TAF2: variants seen among roughly 807,000 people sequenced by gnomAD.
TAF2 encodes the protein transcription initiation factor TFIID subunit 2.
TAF2 carries 61 observed loss-of-function variants against 138.5 expected under a neutral mutation model. The observed-to-expected ratio is 0.44, with a 90% CI of 0.36 to 0.54. The LOEUF (loss-of-function observed/expected upper bound fraction) is 0.54. Ranked by LOEUF, TAF2 falls within the 20% of genes least tolerant of loss-of-function variation. The probability of loss-of-function intolerance (pLI) is 0.00; values close to 1 mark genes in which losing one functional copy is unlikely to be tolerated. For synonymous variants in TAF2, 475 were observed against 469.9 expected, an observed-to-expected ratio of 1.01 and a Z score of -0.14; for missense variants, 1,090 against 1,427.9, an observed-to-expected ratio of 0.76 and a Z score of 3.81.
chr8:119,752,165 G>A (rs1321844420), intron 22 of TAF2, among the ~76,000 whole-genome samples: 5 of 152,030 alleles, frequency 3.3e-5, no homozygotes, highest in Non-Finnish European at 7.4e-5. Context: ...ATTATGCATT[G>A]TATTATTCTT....
intron 14 of TAF2, among the ~76,000 whole-genome samples, chr8:119,786,044 C>G (rs1444863696): frequency 6.6e-6 from 1 of 152,182 alleles, no homozygotes; most frequent in Non-Finnish European, 1.5e-5. Flanking sequence ...AGTCAACAGA[C>G]ACTCTCATCT....
At chr8:119,760,497 AAT>A in intron 20 of TAF2, 100 bp downstream of exon 20, 1 of 1,270,472 alleles carries the variant, frequency 7.9e-7, no homozygotes, top group African/African-American at 1.5e-5. Flanking sequence ...TTAAAATTAA[AAT>A]ATCTGTGTTA....
chr8:119,832,537 TG>T lies in TAF2; in HGVS notation c.27del (p.Arg10GlufsTer2). ...TTGTCTCCTTTCTTCCTGTTCATTC[TG>T]GCGGGCTCTACACCAGTCAGCGGCA... MPLTGVEP[A>X]RMNRKKGDKG... On this transcript the variant is annotated frameshift_variant, in exon 1 of 26. Transcript: ENST00000378164. LOFTEE classifies it high-confidence loss of function. 3 of 1,599,300 alleles carry T rather than the reference TG, an allele frequency of 1.9e-6. No homozygotes were observed. Among genetic ancestry groups the T allele is most frequent in the Non-Finnish European group, 2.6e-6 (3 of 1,171,316 alleles).
At chr8:119,738,392 T>C (rs1271757865) in intron 25 of TAF2, among the ~76,000 whole-genome samples, 1 of 152,134 alleles carries the variant, frequency 6.6e-6, no homozygotes, top group Non-Finnish European at 1.5e-5. Flanking sequence ...ATTTCACATA[T>C]CCTTTCAGGG....
intron 18 of TAF2, among the ~76,000 whole-genome samples, chr8:119,766,833 C>CAA (rs1035741493): frequency 1.3e-5 from 2 of 151,330 alleles, no homozygotes; most frequent in African/African-American, 4.9e-5. Context: ...GACTCTCTCT[C>CAA]AAAAAAATAA....
chr8:119,816,025 C>T (rs1390198793), intron 3 of TAF2, among the ~76,000 whole-genome samples: 12 of 151,118 alleles, frequency 7.9e-5, no homozygotes, highest in Non-Finnish European at 1.8e-4. Flanking sequence ...TCAAAGGAAT[C>T]TCAACCACTG....
Position 119,832,490 on chromosome 8 carries a change from T to C in TAF2, c.75A>G (p.Pro25=), listed in dbSNP as rs1378836300. Residue 25 remains proline (P), a synonymous_variant, in exon 1 of 26, where the codon CCA becomes CCG. Coordinates refer to ENST00000378164, the MANE Select transcript of TAF2 (RefSeq NM_003184.4). ...KGDKGFESPR[P]YKLTHQVVCI... is the part of the protein sequence containing the mutation. ...AATGAAAAAATACTTATAATTTATA[T>C]GGCCTTGGGCTTTCAAAGCCCTTGT... The C allele has an allele frequency of 2.5e-6, 4 of 1,613,788 alleles. No individual in the cohort carries two copies. The highest frequency in any genetic ancestry group is 2.5e-6 in the Non-Finnish European group (3 of 1,179,880).
chr8:119,830,999 TG>T (rs1301409169), intron 2 of TAF2, among the ~76,000 whole-genome samples: 1 of 152,058 alleles, frequency 6.6e-6, no homozygotes, highest in Admixed American at 6.6e-5. Context: ...TCAAGCTACT[TG>T]GGAGGCTGAG....
At chr8:119,828,530 T>C (rs1366985448) in intron 2 of TAF2, among the ~76,000 whole-genome samples, 2 of 151,964 alleles carry the variant, frequency 1.3e-5, no homozygotes, top group African/African-American at 4.8e-5. Context: ...CCAATAAAGA[T>C]ATAAACAGCA....
At chr8:119,818,394 T>C (rs926110931) in intron 3 of TAF2, among the ~76,000 whole-genome samples, 1 of 152,174 alleles carries the variant, frequency 6.6e-6, no homozygotes, top group East Asian at 1.9e-4. Context: ...AAGTTTATGA[T>C]AAAGTTTTGG....
chr8:119,813,494 G>A (rs987068278), intron 3 of TAF2, among the ~76,000 whole-genome samples: 3 of 152,108 alleles, frequency 2.0e-5, no homozygotes, highest in African/African-American at 7.2e-5. Flanking sequence ...AGGACAAAAT[G>A]GATCTACTGG....
chr8:119,807,402 A>T (rs776503280), intron 3 of TAF2, among the ~76,000 whole-genome samples: 2 of 152,100 alleles, frequency 1.3e-5, no homozygotes, highest in African/African-American at 4.8e-5. Context: ...ATGTGTACAT[A>T]TACACATATT....
At chr8:119,825,602 A>G (rs559175726) in intron 2 of TAF2, among the ~76,000 whole-genome samples, 6 of 152,250 alleles carry the variant, frequency 3.9e-5, no homozygotes, top group Middle Eastern at 3.4e-3. Flanking sequence ...GGAGGGACCC[A>G]GTGGGAGGTA....
At chr8:119,828,481 TC>T (rs1183156107) in intron 2 of TAF2, among the ~76,000 whole-genome samples, 1 of 151,836 alleles carries the variant, frequency 6.6e-6, no homozygotes, top group Non-Finnish European at 1.5e-5. Context: ...GCCTCTCAGA[TC>T]CCCCCTAACA....
intron 2 of TAF2, among the ~76,000 whole-genome samples, chr8:119,825,435 G>C: frequency 6.6e-6 from 1 of 152,188 alleles, no homozygotes; most frequent in East Asian, 1.9e-4. Flanking sequence ...GGACTTTTGA[G>C]TTAATGCTGA....
chr8:119,790,121 C>T (rs1823316511), intron 11 of TAF2, among the ~76,000 whole-genome samples: 1 of 152,130 alleles, frequency 6.6e-6, no homozygotes, highest in Non-Finnish European at 1.5e-5. Flanking sequence ...TATGGACCAT[C>T]TCTCTTTTAA....
At chr8:119,798,692 A>T (rs972122019) in intron 6 of TAF2, among the ~76,000 whole-genome samples, 1 of 152,214 alleles carries the variant, frequency 6.6e-6, no homozygotes, top group African/African-American at 2.4e-5. Flanking sequence ...ATTATAGAAG[A>T]TCTTGAAAGC....
intron 24 of TAF2, among the ~76,000 whole-genome samples, chr8:119,743,616 T>G (rs1819751269): frequency 6.6e-6 from 1 of 152,120 alleles, no homozygotes. Flanking sequence ...AACATGGCAA[T>G]ACATATCAAG....
chr8:119,744,967 AC>A (rs1347493913), intron 23 of TAF2: 2 of 456,138 alleles, frequency 4.4e-6, no homozygotes, highest in African/African-American at 2.0e-5. Flanking sequence ...GGTGTATCAG[AC>A]TTCCTCTTCA....
Sources: gnomAD v4.1 joint callset for allele counts (sites outside exome capture counted in the v4.1 genomes callset) on GRCh38, gnomAD v4.1.1 for gene constraint, MANE v1.5 for transcripts, NCBI Gene and HGNC (gene_info 2026-07-23, HGNC 2026-07-21) for gene names.